Variants in SLC15A1 observed in about 807,000 individuals in gnomAD.
SLC15A1 encodes the protein solute carrier family 15 member 1.
Under a neutral mutation model 92.9 loss-of-function variants are expected in SLC15A1, and 83 were observed. The ratio of observed to expected loss-of-function variants is 0.89; its 90% CI spans 0.75 to 1.07. SLC15A1 has a LOEUF of 1.07. Ranked by LOEUF, SLC15A1 falls within the 50% of genes least tolerant of loss-of-function variation. The pLI is 0.00. For missense variants in SLC15A1, 857 were observed against 880.1 expected (o/e 0.97, Z 0.33); for synonymous variants, 322 against 318.2 (o/e 1.01, Z -0.13).
chr13:98,704,471 CAG>C (rs1452369447), intron 16 of SLC15A1, 36 bp from the exon 17 acceptor site: 3 of 1,590,032 alleles, frequency 1.9e-6, no homozygotes, highest in African/African-American at 2.7e-5. Context: ...GTTAATATCA[CAG>C]AGTCTCGGCA....
intron 8 of SLC15A1, among the ~76,000 whole-genome samples, chr13:98,716,226 G>A (rs1383271003): frequency 2.0e-5 from 3 of 152,120 alleles, no homozygotes; most frequent in East Asian, 1.9e-4. Context: ...GGTAGCTCAC[G>A]TACACTCACA....
At chr13:98,747,941 G>A (rs1270472040) in intron 1 of SLC15A1, among the ~76,000 whole-genome samples, 2 of 152,122 alleles carry the variant, frequency 1.3e-5, no homozygotes, top group Non-Finnish European at 2.9e-5. Context: ...TCTTACTCAG[G>A]ACATTTTGTA....
intron 18 of SLC15A1, among the ~76,000 whole-genome samples, chr13:98,692,180 G>A (rs79310082): frequency 0.06 from 6,715 of 111,972 alleles, 231 homozygotes; most frequent in Middle Eastern, 0.16. Flanking sequence ...TTAAGACAAG[G>A]CCTCACTCTG....
chr13:98,691,069 A>G (rs1279531416), intron 18 of SLC15A1, among the ~76,000 whole-genome samples: 2 of 151,258 alleles, frequency 1.3e-5, no homozygotes, highest in African/African-American at 4.9e-5. Flanking sequence ...TTTGAGATGG[A>G]TTCTCACCCT....
chr13:98,691,719 G>A (rs575429287), intron 18 of SLC15A1, among the ~76,000 whole-genome samples: 7 of 152,120 alleles, frequency 4.6e-5, no homozygotes, highest in Non-Finnish European at 8.8e-5. Context: ...AAACATTTTA[G>A]CCCATATGTT....
At chr13:98,712,642 G>GA in intron 9 of SLC15A1, 58 bp from the exon 10 acceptor site, 3 of 1,294,176 alleles carry the variant, frequency 2.3e-6, no homozygotes, top group Non-Finnish European at 3.3e-6. Context: ...TGTCAGGGAA[G>GA]CACATTTCAA....
Position 98,721,515 on chromosome 13 carries a change from A to C in SLC15A1, c.536T>G (p.Ile179Ser). 1 of 1,613,290 alleles carries C rather than the reference A, an allele frequency of 6.2e-7. No homozygotes were observed. The highest frequency in any genetic ancestry group is 8.5e-7 in the Non-Finnish European group (1 of 1,179,486). ...AINAGSLLST[I>S]ITPMLRVQQC... ...CTTACCTCTGAGCATGGGTGTGATG[A>C]TTGTGGAAAGCAAACTTCCAGCATT... Residue 179 changes from isoleucine to serine, a missense_variant, in exon 7 of 23, where the codon ATC (isoleucine) becomes AGC (serine). Transcript: ENST00000376503.
chr13:98,706,526 G>A (rs1488994696), intron 15 of SLC15A1, among the ~76,000 whole-genome samples: 1 of 152,234 alleles, frequency 6.6e-6, no homozygotes, highest in African/African-American at 2.4e-5. Flanking sequence ...TTGTGGGAGG[G>A]AATCAGTGGG....
At chr13:98,740,798 G>A (rs1333337190) in intron 1 of SLC15A1, among the ~76,000 whole-genome samples, 1 of 152,158 alleles carries the variant, frequency 6.6e-6, no homozygotes, top group African/African-American at 2.4e-5. Flanking sequence ...AAAGAGGAAG[G>A]ATATGGGTGC....
intron 7 of SLC15A1, 60 bp from the exon 8 acceptor site, chr13:98,719,380 A>AT: frequency 8.5e-7 from 1 of 1,180,152 alleles, no homozygotes; most frequent in Admixed American, 1.7e-5. Flanking sequence ...TATAGTTCCC[A>AT]TTTGTAAAGA....
rs1045942083 is a variant in SLC15A1 at position 98,726,439 on chromosome 13, C to T, written c.32G>A (p.Gly11Asp). The change falls in exon 3 of 23, where the codon GGT (glycine) becomes GAT (aspartate). Residue 11 changes from glycine to aspartate, a missense_variant. Gly to Asp is a moderately conservative substitution (Grantham distance 94, BLOSUM62 -1). Transcript: ENST00000376503. Reference protein sequence around the residue: MGMSKSHSFFGYPLSIFFIVV... With the variant: MGMSKSHSFFDYPLSIFFIVV... ...GATGAAGAAGATGCTCAGGGGATAA[C>T]CAAAGAAACTCTGACAAAAAAGAAA... 4 of 1,613,812 alleles carry T rather than the reference C, an allele frequency of 2.5e-6. No individual in the cohort carries two copies. In the South Asian group the frequency reaches 3.3e-5, roughly 13 times the overall value.
chr13:98,704,548 G>A, intron 16 of SLC15A1, 113 bp from the exon 17 acceptor site: 1 of 1,135,500 alleles, frequency 8.8e-7, no homozygotes, highest in Non-Finnish European at 1.2e-6. Flanking sequence ...CATGTTCATA[G>A]ATACCAAAAA....
chr13:98,736,361 A>C (rs1372756361), intron 1 of SLC15A1, among the ~76,000 whole-genome samples: 1 of 152,220 alleles, frequency 6.6e-6, no homozygotes, highest in African/African-American at 2.4e-5. Flanking sequence ...TAAAGACTTA[A>C]ATGTTAGACC....
intron 2 of SLC15A1, 174 bp from the exon 3 acceptor site, chr13:98,726,623 A>C (rs1352578161): frequency 4.0e-6 from 3 of 753,278 alleles, no homozygotes; most frequent in Non-Finnish European, 7.0e-6. Flanking sequence ...ATCCTTCCAC[A>C]TAGAGACAGC....
chr13:98,705,489 C>T (rs1450793713), intron 16 of SLC15A1, among the ~76,000 whole-genome samples: 1 of 152,194 alleles, frequency 6.6e-6, no homozygotes, highest in Non-Finnish European at 1.5e-5. Context: ...TGTCCCCTAG[C>T]ATCAAAATCT....
At chr13:98,697,566 G>A (rs2088033216) in intron 18 of SLC15A1, among the ~76,000 whole-genome samples, 1 of 148,824 alleles carries the variant, frequency 6.7e-6, no homozygotes, top group Non-Finnish European at 1.5e-5. Flanking sequence ...AGAAGACACT[G>A]AAAGCTTGAT....
intron 15 of SLC15A1, among the ~76,000 whole-genome samples, chr13:98,708,099 G>A (rs1200946548): frequency 6.6e-6 from 1 of 151,854 alleles, no homozygotes; most frequent in African/African-American, 2.4e-5. Flanking sequence ...GGGTGGGGGA[G>A]GGAAGGAACG....
chr13:98,687,471 T>C, intron 21 of SLC15A1, 110 bp downstream of exon 21: 1 of 1,325,698 alleles, frequency 7.5e-7, no homozygotes. Context: ...CCATAATGCT[T>C]TCTAGACTTT....
At chr13:98,718,231 T>C (rs3782999) in intron 8 of SLC15A1, among the ~76,000 whole-genome samples, 28,469 of 150,498 alleles carry the variant, frequency 0.19, 3,303 homozygotes, top group East Asian at 0.53. Flanking sequence ...TATAGATACG[T>C]ACATGTTGAC....
Sources: gnomAD v4.1 joint callset for allele counts (sites outside exome capture counted in the v4.1 genomes callset) on GRCh38, gnomAD v4.1.1 for gene constraint, MANE v1.5 for transcripts, NCBI Gene and HGNC (gene_info 2026-07-23, HGNC 2026-07-21) for gene names.